The following WWOX variants were observed in gnomAD, a reference collection of about 807,000 sequenced individuals.
WWOX encodes the protein WW domain containing oxidoreductase, also known as WW domain-containing oxidoreductase.
Under a neutral mutation model 46.2 loss-of-function variants are expected in WWOX, and 69 were observed. The observed-to-expected ratio is 1.49, with a 90% CI of 1.23 to 1.82. The LOEUF (loss-of-function observed/expected upper bound fraction) is 1.82, where lower values mean the gene tolerates loss of function less well. Ranked by LOEUF, WWOX falls within the 40% of genes most tolerant of loss-of-function variation. The pLI, the probability that WWOX is intolerant of heterozygous loss-of-function variation, is 0.00. For missense variants in WWOX, 919 were observed against 542.6 expected, an observed-to-expected ratio of 1.69 and a Z score of -6.89; for synonymous variants, 359 against 202.6, an observed-to-expected ratio of 1.77 and a Z score of -6.56.
chr16:78,534,776 C>G (rs535674003), intron 8 of WWOX, among the ~76,000 whole-genome samples: 1 of 151,994 alleles, frequency 6.6e-6, no homozygotes, highest in Admixed American at 6.6e-5. Flanking sequence ...GTGGCACAAT[C>G]TCAGCTCACT....
chr16:78,406,818 G>C (rs923092087), intron 6 of WWOX, among the ~76,000 whole-genome samples: 1 of 151,846 alleles, frequency 6.6e-6, no homozygotes, highest in African/African-American at 2.4e-5. Context: ...GTAGAGATGG[G>C]TTTCACTGTG....
At chr16:78,193,388 C>CATGTA (rs1472320662) in intron 5 of WWOX, among the ~76,000 whole-genome samples, 1 of 152,152 alleles carries the variant, frequency 6.6e-6, no homozygotes, top group Non-Finnish European at 1.5e-5. Context: ...AAACCACGAA[C>CATGTA]ATACATGTTG....
chr16:78,453,196 G>C (rs1033549014), intron 8 of WWOX, among the ~76,000 whole-genome samples: 4 of 152,068 alleles, frequency 2.6e-5, no homozygotes, highest in African/African-American at 9.7e-5. Flanking sequence ...GGCTGAGGTG[G>C]GAGGATTACC....
intron 8 of WWOX, among the ~76,000 whole-genome samples, chr16:78,555,423 T>C (rs1013087246): frequency 6.6e-6 from 1 of 152,160 alleles, no homozygotes; most frequent in Non-Finnish European, 1.5e-5. Context: ...GCTGCAGCTT[T>C]GGACTTTGTG....
chr16:78,872,584 C>G (rs2044151063), intron 8 of WWOX, among the ~76,000 whole-genome samples: 2 of 150,640 alleles, frequency 1.3e-5, no homozygotes, highest in Non-Finnish European at 2.9e-5. Context: ...AACTAAAATA[C>G]CTTAGGGCAC....
At chr16:78,203,961 G>C (rs1028425513) in intron 5 of WWOX, among the ~76,000 whole-genome samples, 2 of 152,316 alleles carry the variant, frequency 1.3e-5, no homozygotes, top group African/African-American at 4.8e-5. Context: ...CAATTCTGGA[G>C]AGTTGATGGG....
At chr16:79,112,490 C>T (rs551965832) in intron 8 of WWOX, among the ~76,000 whole-genome samples, 18 of 152,242 alleles carry the variant, frequency 1.2e-4, no homozygotes, top group African/African-American at 3.6e-4. Flanking sequence ...TGACCCTTCT[C>T]CTTCCCCCAC....
At chr16:78,911,518 T>C (rs1259041409) in intron 8 of WWOX, among the ~76,000 whole-genome samples, 3 of 151,832 alleles carry the variant, frequency 2.0e-5, no homozygotes, top group Non-Finnish European at 4.4e-5. Context: ...ACAATTCTTT[T>C]GGTAATTGAA....
chr16:78,802,454 G>A (rs959436956), intron 8 of WWOX, among the ~76,000 whole-genome samples: 1 of 152,054 alleles, frequency 6.6e-6, no homozygotes, highest in Non-Finnish European at 1.5e-5. Flanking sequence ...GAAGGCTTTG[G>A]AAATCCACTA....
In WWOX at chr16:78,293,663, C is replaced by T. The variant is rs115621886; in HGVS notation, c.517-93197C>T. 1.8e-3 allele frequency among the ~76,000 whole-genome samples: 273 copies of T among 152,158 alleles called. 4 individuals carry two copies. The highest frequency in any genetic ancestry group is 6.3e-3 in the African/African-American group (261 of 41,520). On this transcript the variant is annotated intron_variant, in intron 5 of 8. Coordinates refer to ENST00000566780, the MANE Select transcript of WWOX (RefSeq NM_016373.4). ...AGGACTTCATCCAAGCACAAAGAAA[C>T]CTTTGTTTTCATTCAAGACTTCCCT...
At chr16:79,030,917 C>G (rs1467480365) in intron 8 of WWOX, among the ~76,000 whole-genome samples, 1 of 151,824 alleles carries the variant, frequency 6.6e-6, no homozygotes, top group Non-Finnish European at 1.5e-5. Context: ...ACCCCTGTCT[C>G]TACAAAAAGT....
intron 8 of WWOX, among the ~76,000 whole-genome samples, chr16:79,086,675 G>C (rs1308107300): frequency 6.6e-6 from 1 of 152,154 alleles, no homozygotes; most frequent in African/African-American, 2.4e-5. Context: ...GAGTCCAGGA[G>C]TTTGAGACCT....
At chr16:78,884,429 G>C (rs2044410625) in intron 8 of WWOX, among the ~76,000 whole-genome samples, 1 of 151,914 alleles carries the variant, frequency 6.6e-6, no homozygotes, top group Non-Finnish European at 1.5e-5. Context: ...CAAGACATCT[G>C]GTAAACCACC....
intron 4 of WWOX, among the ~76,000 whole-genome samples, chr16:78,158,895 C>G (rs1337472861): frequency 6.6e-6 from 1 of 151,608 alleles, no homozygotes; most frequent in Non-Finnish European, 1.5e-5. Flanking sequence ...ATCTGGCGTA[C>G]CTGAAACTTC....
chr16:78,611,626 G>T lies in WWOX; in HGVS notation c.1056+178874G>T, dbSNP rs538028012. On this transcript the variant is annotated intron_variant, in intron 8 of 8. Coordinates refer to ENST00000566780, the MANE Select transcript of WWOX (RefSeq NM_016373.4). ...ATTTTGGCAACATATTTGGGAAAAT[G>T]ATAGTTAGATGCTGCGTTAGCCAGC... is the stretch of plus-strand genomic sequence containing the variant. Among the ~76,000 whole-genome samples, 6 of 152,226 alleles carry T rather than the reference G, an allele frequency of 3.9e-5. No homozygotes were observed. In the South Asian group the frequency reaches 6.2e-4, roughly 16 times the overall value.
intron 6 of WWOX, among the ~76,000 whole-genome samples, chr16:78,409,131 C>G (rs1163925302): frequency 6.6e-6 from 1 of 151,872 alleles, no homozygotes; most frequent in South Asian, 2.1e-4. Flanking sequence ...CAGATGTATA[C>G]ACAGTGGCTC....
intron 8 of WWOX, among the ~76,000 whole-genome samples, chr16:78,447,422 G>C (rs1257138968): frequency 6.6e-6 from 1 of 152,208 alleles, no homozygotes; most frequent in Non-Finnish European, 1.5e-5. Flanking sequence ...TTACAGACAA[G>C]GACACTGAAG....
chr16:79,035,276 G>T (rs901413850), intron 8 of WWOX, among the ~76,000 whole-genome samples: 5 of 152,268 alleles, frequency 3.3e-5, no homozygotes, highest in African/African-American at 1.2e-4. Context: ...CTCTACTCCT[G>T]GAAACCCAGT....
intron 8 of WWOX, among the ~76,000 whole-genome samples, chr16:79,105,052 A>G (rs1292515475): frequency 1.3e-5 from 2 of 152,058 alleles, no homozygotes; most frequent in African/African-American, 2.4e-5. Context: ...CAGTTTACAA[A>G]AGTGGAAAAT....
Sources: allele counts gnomAD v4.1 joint callset (sites outside exome capture counted in the v4.1 genomes callset), GRCh38; gene constraint gnomAD v4.1.1; transcripts MANE v1.5; gene names NCBI Gene and HGNC (gene_info 2026-07-23, HGNC 2026-07-21).